Variants in PAK5 observed in about 807,000 individuals in gnomAD.
PAK5 encodes p21 (RAC1) activated kinase 5.
A neutral mutation model predicts 65.9 loss-of-function variants in PAK5; 16 were observed. The observed-to-expected ratio is 0.24, with a 90% CI of 0.16 to 0.37. The LOEUF is 0.37. Ranked by LOEUF, PAK5 falls within the 10% of genes least tolerant of loss-of-function variation. The pLI is 1.00. For synonymous variants in PAK5, 371 were observed against 354.9 expected, an observed-to-expected ratio of 1.05 and a Z score of -0.51; for missense variants, 785 against 903.9, an observed-to-expected ratio of 0.87 and a Z score of 1.69.
intron 1 of PAK5, among the ~76,000 whole-genome samples, chr20:9,786,553 C>G (rs1294018423): frequency 6.6e-6 from 1 of 152,044 alleles, no homozygotes; most frequent in Admixed American, 6.6e-5. Context: ...TTCATAAAAC[C>G]TAAGTGTACA....
intron 2 of PAK5, among the ~76,000 whole-genome samples, chr20:9,676,352 A>T (rs1365398613): frequency 6.6e-6 from 1 of 152,196 alleles, no homozygotes; most frequent in Admixed American, 6.5e-5. Context: ...GTCAATCTAT[A>T]TATTTAATGT....
At chr20:9,823,131 C>A (rs2049442663) in intron 1 of PAK5, among the ~76,000 whole-genome samples, 1 of 152,090 alleles carries the variant, frequency 6.6e-6, no homozygotes, top group South Asian at 2.1e-4. Context: ...AAGTTTATCC[C>A]TTTTTTACCC....
chr20:9,718,765 T>C (rs896089824), intron 1 of PAK5, among the ~76,000 whole-genome samples: 6 of 152,210 alleles, frequency 3.9e-5, no homozygotes, highest in African/African-American at 1.4e-4. Flanking sequence ...CTTAGAAATA[T>C]GTCTTCATCA....
At chr20:9,655,504 T>C (rs1019779624) in intron 2 of PAK5, among the ~76,000 whole-genome samples, 6 of 152,010 alleles carry the variant, frequency 3.9e-5, no homozygotes, top group African/African-American at 1.5e-4. Context: ...AGCACACATA[T>C]CACTTGCTTC....
At chr20:9,582,040 T>C (rs987966599) in intron 3 of PAK5, among the ~76,000 whole-genome samples, 9 of 152,220 alleles carry the variant, frequency 5.9e-5, no homozygotes, top group Non-Finnish European at 1.3e-4. Flanking sequence ...CCTGGACTAA[T>C]AGTTTTGTAC....
intron 3 of PAK5, among the ~76,000 whole-genome samples, chr20:9,600,098 A>G (rs2046335553): frequency 6.6e-6 from 1 of 152,152 alleles, no homozygotes; most frequent in African/African-American, 2.4e-5. Flanking sequence ...TTATTTGTTG[A>G]AAAGATTATC....
At chr20:9,748,101 A>G (rs1384510338) in intron 1 of PAK5, among the ~76,000 whole-genome samples, 4 of 152,236 alleles carry the variant, frequency 2.6e-5, no homozygotes, top group Admixed American at 2.6e-4. Flanking sequence ...TTCAAAGAGA[A>G]TAAAATACCT....
At chr20:9,717,656 G>A (rs2048165096) in intron 1 of PAK5, among the ~76,000 whole-genome samples, 2 of 152,202 alleles carry the variant, frequency 1.3e-5, no homozygotes, top group Admixed American at 1.3e-4. Flanking sequence ...GTCTCATTCT[G>A]TTGCCCAGGC....
intron 3 of PAK5, among the ~76,000 whole-genome samples, chr20:9,606,480 A>G (rs1372472931): frequency 6.6e-6 from 1 of 152,188 alleles, no homozygotes; most frequent in Non-Finnish European, 1.5e-5. Context: ...GAAGGAGTAA[A>G]AGACCCCACA....
chr20:9,761,279 T>C (rs997849349), intron 1 of PAK5, among the ~76,000 whole-genome samples: 1 of 152,170 alleles, frequency 6.6e-6, no homozygotes, highest in Admixed American at 6.6e-5. Context: ...GTGGGCTCTT[T>C]CCTGTGTTAC....
intron 3 of PAK5, among the ~76,000 whole-genome samples, chr20:9,587,582 G>A (rs1020864591): frequency 6.6e-6 from 1 of 152,084 alleles, no homozygotes; most frequent in Non-Finnish European, 1.5e-5. Context: ...AAGACTAGGG[G>A]TGATTTATAT....
intron 4 of PAK5, among the ~76,000 whole-genome samples, chr20:9,571,732 TAAG>T (rs1427985746): frequency 6.6e-6 from 1 of 152,134 alleles, no homozygotes; most frequent in Non-Finnish European, 1.5e-5. Flanking sequence ...ATTTTATAGA[TAAG>T]AAGACTGAGG....
At chr20:9,640,936 A>G (rs1394584985) in intron 3 of PAK5, among the ~76,000 whole-genome samples, 4 of 152,212 alleles carry the variant, frequency 2.6e-5, no homozygotes, top group Non-Finnish European at 1.5e-5. Flanking sequence ...AAAGAGCGAA[A>G]GAACAAAGCT....
At chr20:9,724,629 G>A (rs2048255055) in intron 1 of PAK5, among the ~76,000 whole-genome samples, 1 of 152,144 alleles carries the variant, frequency 6.6e-6, no homozygotes, top group Admixed American at 6.5e-5. Context: ...AGCTAAGAGG[G>A]AGGTTGTTGG....
chr20:9,722,861 C>T (rs1342330832), intron 1 of PAK5, among the ~76,000 whole-genome samples: 1 of 151,080 alleles, frequency 6.6e-6, no homozygotes. Context: ...CACAGCTTCC[C>T]GAGTAGCTGG....
chr20:9,709,990 A>G (rs377103745), intron 2 of PAK5, among the ~76,000 whole-genome samples: 1 of 152,188 alleles, frequency 6.6e-6, no homozygotes, highest in East Asian at 1.9e-4. Context: ...GCTTGAATCC[A>G]TATATTCTCA....
At chr20:9,660,298 A>G (rs1306465209) in intron 2 of PAK5, among the ~76,000 whole-genome samples, 1 of 151,670 alleles carries the variant, frequency 6.6e-6, no homozygotes, top group Non-Finnish European at 1.5e-5. Context: ...TTTGCATTCC[A>G]AGCAAAAATC....
At chr20:9,657,186 GT>G in intron 2 of PAK5, among the ~76,000 whole-genome samples, 1 of 152,156 alleles carries the variant, frequency 6.6e-6, no homozygotes, top group Admixed American at 6.5e-5. Context: ...CCTGTAATCT[GT>G]TTTCTATCTC....
At chr20:9,542,468 T>C in intron 9 of PAK5, 118 bp downstream of exon 9, 1 of 1,006,094 alleles carries the variant, frequency 9.9e-7, no homozygotes, top group Non-Finnish European at 1.6e-6. Flanking sequence ...ATTTCCAAAG[T>C]CCATGCTCAT....
Sources: allele counts gnomAD v4.1 joint callset (sites outside exome capture counted in the v4.1 genomes callset), GRCh38; gene constraint gnomAD v4.1.1; transcripts MANE v1.5; gene names NCBI Gene and HGNC (gene_info 2026-07-23, HGNC 2026-07-21).